The following TSNARE1 variants were observed in gnomAD, a reference collection of about 807,000 sequenced individuals.
The protein encoded by TSNARE1 is t-SNARE domain containing 1, also known as t-SNARE domain-containing protein 1.
In TSNARE1, 49 loss-of-function variants were observed where a neutral mutation model predicts 62.0. The observed-to-expected ratio is 0.79, with a 90% CI of 0.63 to 1.00. The LOEUF is 1.00. Ranked by LOEUF, TSNARE1 falls within the 50% of genes least tolerant of loss-of-function variation. TSNARE1 has a pLI of 0.00. For missense variants in TSNARE1, 755 were observed against 700.1 expected, an observed-to-expected ratio of 1.08 and a Z score of -0.88; for synonymous variants, 328 against 294.4, an observed-to-expected ratio of 1.11 and a Z score of -1.17.
rs1414435394 is a variant in TSNARE1, at chr8:142,291,342, T to C, written c.1291-6857A>G. Reference sequence around the variant, plus strand: ...GAGCTGTGTGACCCTGGGCAAGCGATGGGCCTGCTCCAAGCCACCGTCATC... The same window carrying C: ...GAGCTGTGTGACCCTGGGCAAGCGACGGGCCTGCTCCAAGCCACCGTCATC... On this transcript the variant is annotated intron_variant, in intron 10 of 13. Coordinates refer to ENST00000524325, the MANE Select transcript of TSNARE1 (RefSeq NM_145003.5). The surrounding 1 kb of genome is among the most constrained non-coding windows in gnomAD (Gnocchi z 4.8). 1.3e-5 allele frequency among the ~76,000 whole-genome samples: 2 copies of C among 152,172 alleles called. No individual in the cohort carries two copies. The highest frequency in any genetic ancestry group is 4.8e-5 in the African/African-American group (2 of 41,530).
chr8:142,289,875 G>A (rs1354452114), intron 10 of TSNARE1, among the ~76,000 whole-genome samples: 1 of 152,122 alleles, frequency 6.6e-6, no homozygotes, highest in Non-Finnish European at 1.5e-5. Context: ...GCGCAGTGGG[G>A]CTGGGACCTG....
At position 142,319,131 on chromosome 8, in the gene TSNARE1, G is replaced by A. The variant is rs1042345458; in HGVS notation, c.894-497C>T. On this transcript the variant is annotated intron_variant, in intron 6 of 13. Transcript: ENST00000524325. This position sits in a 1 kb window ranked among gnomAD's most constrained non-coding sequence, Gnocchi z 4.9. ...CAGTGGCAGCCGGGCCCCACCAATC[G>A]GCCACTGCGAGGACCACCTTGCTCC... Among the ~76,000 whole-genome samples the A allele has an allele frequency of 2.0e-5, 3 of 151,398 alleles. No homozygotes were observed. The highest frequency in any genetic ancestry group is 3.9e-4 in the East Asian group (2 of 5,106).
At position 142,331,771 on chromosome 8, in the gene TSNARE1, A is replaced by C; in HGVS notation, c.806T>G (p.Phe269Cys). ...ACACTCACCACTGGAGTTGATTCGG[A>C]AGACGTTGGCCGACATCTCCTGGAA... ...ELFQEMSANV[F>C]RINSSVTSLE... is the part of the protein sequence containing the mutation. Residue 269 changes from phenylalanine to cysteine, a missense_variant, in exon 5 of 14, where the codon TTC becomes TGC. Physicochemically the swap from Phe to Cys is radical, Grantham distance 205 (BLOSUM62 -2). Coordinates refer to ENST00000524325, the MANE Select transcript of TSNARE1 (RefSeq NM_145003.5). The C allele has an allele frequency of 6.2e-7, 1 of 1,602,660 alleles. No homozygotes were observed. Among genetic ancestry groups the C allele is most frequent in the Non-Finnish European group, 8.5e-7 (1 of 1,174,844 alleles).
Position 142,274,698 on chromosome 8 carries a change from C to G in TSNARE1, c.1446+83G>C, listed in dbSNP as rs369254477. On this transcript the variant is annotated intron_variant, in intron 12 of 13. Coordinates refer to ENST00000524325, the MANE Select transcript of TSNARE1 (RefSeq NM_145003.5). ...CCAGGCACAGGGCAGGGCCTGGGCC[C>G]CTCCAGACAGACGGAGGGAGGGTTG... is the stretch of plus-strand genomic sequence containing the variant. 1.1e-5 allele frequency: 15 copies of G among 1,406,788 alleles called. No homozygotes were observed. The South Asian group carries it at 2.1e-4, about 20-fold the overall frequency. The allele number at this position is 1,406,788 out of a possible 1,614,324, so 87.1% of individuals were successfully genotyped here.
intron 6 of TSNARE1, among the ~76,000 whole-genome samples, chr8:142,330,594 G>A (rs918271708): frequency 6.6e-5 from 10 of 152,252 alleles, no homozygotes; most frequent in Non-Finnish European, 1.5e-4. Context: ...AGGGAAAAGC[G>A]TGTGCCAGCA....
At chr8:142,340,068 T>C (rs1309511714) in intron 4 of TSNARE1, among the ~76,000 whole-genome samples, 1 of 152,090 alleles carries the variant, frequency 6.6e-6, no homozygotes, top group African/African-American at 2.4e-5. Flanking sequence ...GCTGGGTTTG[T>C]GGCCAGGGTC....
rs759025987 is a variant in TSNARE1 at position 142,284,491 on chromosome 8, G to A, written c.1291-6C>T. ...TTCACATCCAGCAAGTTGCTCTGTGGAAACAACATAGAACCACATCAGGAG... is the reference window on the plus strand; with the variant it reads ...TTCACATCCAGCAAGTTGCTCTGTGAAAACAACATAGAACCACATCAGGAG... On this transcript the variant is annotated splice_region_variant and splice_polypyrimidine_tract_variant and intron_variant, in intron 10 of 13. Transcript: ENST00000524325. 15 of 1,613,072 alleles carry A rather than the reference G, an allele frequency of 9.3e-6. No homozygotes were observed. The highest frequency in any genetic ancestry group is 1.6e-4 in the Middle Eastern group (1 of 6,084).
intron 12 of TSNARE1, among the ~76,000 whole-genome samples, chr8:142,265,259 C>G (rs1050429074): frequency 2.0e-5 from 3 of 152,228 alleles, no homozygotes; most frequent in African/African-American, 7.2e-5. Context: ...CTACCCCACT[C>G]CACTTCCCTA....
At position 142,232,753 on chromosome 8, in the gene TSNARE1, A is replaced by C. The variant is rs1045278007; in HGVS notation, c.1447-3174T>G. Among the ~76,000 whole-genome samples, 4 of 152,226 alleles carry C rather than the reference A, an allele frequency of 2.6e-5. No individual in the cohort carries two copies. The South Asian group carries it at 8.3e-4, about 31-fold the overall frequency. ...GGAAGAGGCGGGCGCAGGCGATGAC[A>C]GGCAGGGCCCAGGGATGCCAGATGC... On this transcript the variant is annotated intron_variant, in intron 12 of 13. Coordinates refer to ENST00000524325, the MANE Select transcript of TSNARE1 (RefSeq NM_145003.5).
chr8:142,372,201 C>T (rs1587057471), intron 1 of TSNARE1, among the ~76,000 whole-genome samples: 1 of 152,156 alleles, frequency 6.6e-6, no homozygotes, highest in Non-Finnish European at 1.5e-5. Flanking sequence ...AAAGACCCAC[C>T]ACGGGAGCCT....
chr8:142,345,767 T>C lies in TSNARE1; in HGVS notation c.214A>G (p.Ile72Val), dbSNP rs147772559. ...EGDLGPAGTP[I>V]VPRARKRGPG... ...CCTCGCTTCCTGGCCCTTGGGACAA[T>C]AGGCGTGCCTGCTGGCCCCAGATCA... Residue 72 changes from isoleucine to valine, a missense_variant, in exon 3 of 14, where the codon ATT becomes GTT. Ile to Val is a conservative substitution (Grantham distance 29, BLOSUM62 3). Transcript: ENST00000524325. The C allele has an allele frequency of 5.3e-5, 85 of 1,612,690 alleles. No individual in the cohort carries two copies. The highest frequency in any genetic ancestry group is 4.9e-4 in the African/African-American group (37 of 74,956).
intron 11 of TSNARE1, 26 bp from the exon 12 acceptor site, chr8:142,274,889 A>C: frequency 1.3e-6 from 2 of 1,512,974 alleles, no homozygotes; most frequent in African/African-American, 2.8e-5. Flanking sequence ...ACAGAAGGCA[A>C]TTACAGATGG....
chr8:142,388,486 C>G (rs1837259911), intron 1 of TSNARE1, among the ~76,000 whole-genome samples: 1 of 137,666 alleles, frequency 7.3e-6, no homozygotes, highest in African/African-American at 2.7e-5. Context: ...ACCTTGAAAA[C>G]CCAAGATAAT....
intron 1 of TSNARE1, among the ~76,000 whole-genome samples, chr8:142,384,008 G>A (rs571239022): frequency 1.3e-5 from 2 of 152,314 alleles, no homozygotes; most frequent in East Asian, 3.9e-4. Context: ...GGTAGAAGGG[G>A]TGCAGTGCAG....
chr8:142,346,030 G>A (rs1833328893), intron 2 of TSNARE1, 138 bp from the exon 3 acceptor site: 1 of 961,886 alleles, frequency 1.0e-6, no homozygotes, highest in Admixed American at 2.6e-5. Context: ...AGCCCTCCCT[G>A]CCTGCTATAT....
chr8:142,351,279 C>T (rs1288789201), intron 2 of TSNARE1, among the ~76,000 whole-genome samples: 1 of 152,184 alleles, frequency 6.6e-6, no homozygotes, highest in African/African-American at 2.4e-5. Flanking sequence ...AAATTAAATA[C>T]AATATCTGGA....
At chr8:142,212,594 G>A (rs1815599397) in intron 13 of TSNARE1, among the ~76,000 whole-genome samples, 1 of 151,968 alleles carries the variant, frequency 6.6e-6, no homozygotes, top group African/African-American at 2.4e-5. Flanking sequence ...ATCCTTCCTG[G>A]CCGCATCCAT....
intron 10 of TSNARE1, among the ~76,000 whole-genome samples, chr8:142,285,262 G>A (rs1373356739): frequency 1.5e-5 from 2 of 134,326 alleles, no homozygotes; most frequent in East Asian, 2.0e-4. Context: ...ATGCGTAGGT[G>A]GATGGATGGA....
At chr8:142,214,675 G>A (rs1314618681) in intron 13 of TSNARE1, among the ~76,000 whole-genome samples, 23 of 152,144 alleles carry the variant, frequency 1.5e-4, no homozygotes, top group Admixed American at 7.2e-4. Flanking sequence ...ACTCAAAGGC[G>A]AAAATAACCC....
Sources: allele counts gnomAD v4.1 joint callset (sites outside exome capture counted in the v4.1 genomes callset), GRCh38; gene constraint gnomAD v4.1.1; non-coding constraint Gnocchi (gnomAD v3.1); transcripts MANE v1.5; gene names NCBI Gene and HGNC (gene_info 2026-07-23, HGNC 2026-07-21).